LARGE1: variants seen among roughly 807,000 people sequenced by gnomAD.
LARGE1 encodes xylosyl- and glucuronyltransferase LARGE1.
A neutral mutation model predicts 87.6 loss-of-function variants in LARGE1; 43 were observed. The observed-to-expected ratio is 0.49, with a 90% CI of 0.38 to 0.63. The LOEUF (loss-of-function observed/expected upper bound fraction) is 0.63. Among genes scored for constraint, LARGE1 ranks in the 30% least tolerant of loss-of-function variants. The probability of loss-of-function intolerance (pLI) is 0.00; values close to 1 mark genes in which losing one functional copy is unlikely to be tolerated. For synonymous variants in LARGE1, 434 were observed against 394.6 expected, an observed-to-expected ratio of 1.10 and a Z score of -1.18; for missense variants, 802 against 1,000.2, an observed-to-expected ratio of 0.80 and a Z score of 2.67.
intron 10 of LARGE1, among the ~76,000 whole-genome samples, chr22:33,334,427 A>C (rs1051469647): frequency 2.2e-4 from 34 of 151,310 alleles, no homozygotes; most frequent in Admixed American, 3.9e-4. Context: ...AAAAAACAAA[A>C]AAAAAAAACA....
chr22:33,912,455 A>G (rs2065665250), intron 1 of LARGE1, among the ~76,000 whole-genome samples: 1 of 152,208 alleles, frequency 6.6e-6, no homozygotes, highest in South Asian at 2.1e-4. Context: ...GGAGAGCTGG[A>G]AAGATCGGCA....
intron 1 of LARGE1, among the ~76,000 whole-genome samples, chr22:33,846,028 T>G (rs1568981002): frequency 6.6e-6 from 1 of 152,242 alleles, no homozygotes; most frequent in African/African-American, 2.4e-5. Context: ...GCTGTTTTTC[T>G]ACAGAGTTTT....
chr22:33,587,879 TG>T (rs1209041567), intron 5 of LARGE1, among the ~76,000 whole-genome samples: 1 of 152,216 alleles, frequency 6.6e-6, no homozygotes, highest in African/African-American at 2.4e-5. Context: ...TTTTTTAATC[TG>T]GTGATATCTT....
chr22:33,485,327 C>G (rs780522893), intron 6 of LARGE1, among the ~76,000 whole-genome samples: 1 of 151,912 alleles, frequency 6.6e-6, no homozygotes, highest in East Asian at 1.9e-4. Context: ...AATTCTCCTG[C>G]CCCAGCCTCC....
the LARGE1 span, among the ~76,000 whole-genome samples, chr22:33,068,363 G>A: frequency 6.6e-6 from 1 of 152,110 alleles, no homozygotes; most frequent in Non-Finnish European, 1.5e-5. Context: ...GACAGAGTTG[G>A]GGCCGGGCAC....
At chr22:33,915,259 T>C (rs1484130042) in intron 1 of LARGE1, among the ~76,000 whole-genome samples, 1 of 152,166 alleles carries the variant, frequency 6.6e-6, no homozygotes, top group Non-Finnish European at 1.5e-5. Context: ...TATGCACACA[T>C]GCCCACCTAC....
At chr22:33,083,025 CAAAATAAAAATA>C in the LARGE1 span, among the ~76,000 whole-genome samples, 4 of 151,996 alleles carry the variant, frequency 2.6e-5, no homozygotes, top group Non-Finnish European at 5.9e-5. Flanking sequence ...GACTCCGTCT[CAAAATAAAAATA>C]AAAATAAAAA....
At chr22:33,444,351 G>A (rs967788842) in intron 6 of LARGE1, among the ~76,000 whole-genome samples, 1 of 152,008 alleles carries the variant, frequency 6.6e-6, no homozygotes, top group African/African-American at 2.4e-5. Flanking sequence ...AAAATTTCTG[G>A]GTTTTAAGTA....
chr22:33,876,360 G>C (rs182866497), intron 1 of LARGE1, among the ~76,000 whole-genome samples: 3 of 152,128 alleles, frequency 2.0e-5, no homozygotes, highest in Admixed American at 6.5e-5. Context: ...AGAGACACAG[G>C]GGGCAGTGAT....
intron 10 of LARGE1, among the ~76,000 whole-genome samples, chr22:33,326,772 A>G (rs999556156): frequency 6.6e-6 from 1 of 152,170 alleles, no homozygotes; most frequent in Non-Finnish European, 1.5e-5. Context: ...GCAAGTGCAG[A>G]GAGATGACAA....
At chr22:33,599,740 C>T (rs1277465310) in intron 5 of LARGE1, among the ~76,000 whole-genome samples, 1 of 152,192 alleles carries the variant, frequency 6.6e-6, no homozygotes. Flanking sequence ...CCATTTCCAA[C>T]AGCTGTACAA....
intron 11 of LARGE1, among the ~76,000 whole-genome samples, chr22:33,215,569 A>G (rs1041524865): frequency 6.6e-6 from 1 of 152,232 alleles, no homozygotes; most frequent in Non-Finnish European, 1.5e-5. Flanking sequence ...TTTCAAATGC[A>G]ATGTAGGAGA....
chr22:33,378,680 G>C (rs2065062857), intron 9 of LARGE1, among the ~76,000 whole-genome samples: 1 of 152,170 alleles, frequency 6.6e-6, no homozygotes. Flanking sequence ...ACAATGACCA[G>C]TTCTTCAACA....
intron 1 of LARGE1, among the ~76,000 whole-genome samples, chr22:33,838,121 T>G (rs1361255396): frequency 6.6e-6 from 1 of 152,234 alleles, no homozygotes; most frequent in East Asian, 1.9e-4. Flanking sequence ...TTTTGATTTT[T>G]TTGGACACTT....
Position 33,766,927 on chromosome 22 carries a change from T to C in LARGE1, c.-82-5369A>G, listed in dbSNP as rs1372721901. On this transcript the variant is annotated intron_variant, in intron 1 of 14. Transcript: ENST00000397394. ...TTAAACATATACATATATATATATA[T>C]ATATATATATATATATATATATATA... Among the ~76,000 whole-genome samples, 75 of 9,684 alleles carry C rather than the reference T, an allele frequency of 7.7e-3. 1 individual carries two copies. Among genetic ancestry groups the C allele is most frequent in the African/African-American group, 0.038 (70 of 1,820 alleles). 6.4% of individuals were successfully genotyped at this position (9,684 alleles called of 152,430 possible).
chr22:33,483,144 G>A (rs2069404374), intron 6 of LARGE1, among the ~76,000 whole-genome samples: 1 of 152,060 alleles, frequency 6.6e-6, no homozygotes, highest in African/African-American at 2.4e-5. Flanking sequence ...CAAAAGTCTT[G>A]GCTGGCCCGC....
At chr22:33,335,294 T>C (rs998327718) in intron 10 of LARGE1, among the ~76,000 whole-genome samples, 6 of 152,112 alleles carry the variant, frequency 3.9e-5, no homozygotes, top group African/African-American at 9.7e-5. Context: ...AGAGTTCCAG[T>C]GCTTAATGGT....
At chr22:33,921,074 G>T (rs906148614), upstream of LARGE1, among the ~76,000 whole-genome samples, 1 of 150,492 alleles carries the variant, frequency 6.6e-6, no homozygotes. This position sits in a 1 kb window ranked among gnomAD's most constrained non-coding sequence, Gnocchi z 4.1. Flanking sequence ...TCCGAGCGGG[G>T]GCGGGGCCGG....
At chr22:33,349,578 C>T (rs1366693112) in intron 9 of LARGE1, among the ~76,000 whole-genome samples, 1 of 152,216 alleles carries the variant, frequency 6.6e-6, no homozygotes, top group Non-Finnish European at 1.5e-5. Context: ...TGTTTGTTGA[C>T]TCCCCATGGA....
Sources: gnomAD v4.1 joint callset for allele counts (sites outside exome capture counted in the v4.1 genomes callset) on GRCh38, gnomAD v4.1.1 for gene constraint, Gnocchi (gnomAD v3.1) non-coding constraint, MANE v1.5 for transcripts, NCBI Gene and HGNC (gene_info 2026-07-23, HGNC 2026-07-21) for gene names.